The following SPIN3 variants were observed in gnomAD, a reference collection of about 807,000 sequenced individuals.
SPIN3 encodes the protein spindlin-3.
For synonymous variants in SPIN3, 74 were observed against 74.3 expected (o/e 1.00, Z 0.02); for missense variants, 176 against 196.4 (o/e 0.90, Z 0.62).
At chrX:56,979,047 A>C (rs1244733470) in intron 3 of SPIN3, 1 of 111,698 alleles carries the variant, frequency 9.0e-6, no homozygotes, top group African/African-American at 3.3e-5. Flanking sequence ...CAAATTCCTT[A>C]AACCTTCATT....
intron 2 of SPIN3, chrX:56,984,486 G>GA (rs1924182707): frequency 1.0e-5 from 3 of 299,980 alleles, no homozygotes; most frequent in Admixed American, 3.7e-5. Context: ...GAGCTGAAAA[G>GA]CAAAAAAAAA....
chrX:56,995,008 C>T, intron 1 of SPIN3, 59 bp from the exon 2 acceptor site: 1 of 1,072,672 alleles, frequency 9.3e-7, no homozygotes. Context: ...AAAATCAATG[C>T]ATAACACGGA....
exon 6 of SPIN3, chrX:56,976,734 T>C (rs1413665385): frequency 8.9e-6 from 1 of 112,018 alleles, no homozygotes; most frequent in Non-Finnish European, 1.9e-5. Context: ...AAGAAGACTT[T>C]ATCATCTTTT....
intron 3 of SPIN3, chrX:56,984,180 G>A (rs1924175600): frequency 6.5e-6 from 1 of 153,003 alleles, no homozygotes; most frequent in South Asian, 1.5e-4. Flanking sequence ...CGAAGACACT[G>A]TTTTTTGACA....
intron 5 of SPIN3, chrX:56,977,706 A>T (rs774282270): frequency 6.3e-4 from 71 of 112,155 alleles, no homozygotes; most frequent in African/African-American, 2.2e-3. Flanking sequence ...TTAACAGGTG[A>T]TTGGAACATG....
In SPIN3 at chrX:56,992,850, C is replaced by T. The variant is rs1417934319; in HGVS notation, c.*1321G>A. On this transcript the variant is annotated 3_prime_UTR_variant, in exon 2 of 2. Transcript: ENST00000374919. ...AGCTCAAAGGCCCTTCCATTGTTTA[C>T]TTTTCTGCCACAGTAGAACTCACCC... 1 of 208,015 alleles carries T rather than the reference C, an allele frequency of 4.8e-6. No homozygotes were observed. The highest frequency in any genetic ancestry group is 1.4e-3 in the Middle Eastern group (1 of 690). The allele number at this position is 208,015 out of a possible 1,213,427, so 17.1% of individuals were successfully genotyped here. A position where few individuals can be genotyped will look rare whatever the true frequency, so the allele number is the denominator to read the frequency against.
chrX:56,989,796 C>T (rs1156713381), downstream of SPIN3, among the ~76,000 whole-genome samples: 1 of 111,678 alleles, frequency 9.0e-6, no homozygotes, highest in Non-Finnish European at 1.9e-5. Context: ...TGTCTCCCAC[C>T]ACCCTCATTT....
In SPIN3 at chrX:56,992,225, G is replaced by A. The variant is rs760338658; in HGVS notation, c.*1946C>T. 1.4e-5 allele frequency: 4 copies of A among 295,520 alleles called. No homozygotes were observed. The highest frequency in any genetic ancestry group is 2.8e-5 in the African/African-American group (1 of 36,288). 24.4% of individuals were successfully genotyped at this position (295,520 alleles called of 1,213,427 possible). ...GGGTGAAGTTCCTTCAGGACCTCAG[G>A]AGTTGAATTAATCTAACCCCACAAT... On this transcript the variant is annotated 3_prime_UTR_variant, in exon 2 of 2. Transcript: ENST00000374919.
At position 56,994,879 on chromosome X, in the gene SPIN3, C is replaced by T; in HGVS notation, c.69G>A (p.Val23=). 1 of 1,211,530 alleles carries T rather than the reference C, an allele frequency of 8.3e-7. No homozygotes were observed. The highest frequency in any genetic ancestry group is 1.7e-5 in the African/African-American group (1 of 57,827). The change falls in exon 2 of 2, where the codon GTG becomes GTA. Residue 23 remains valine, a synonymous_variant. Coordinates refer to ENST00000374919, the MANE Select transcript of SPIN3 (RefSeq NM_001010862.3). ...CCTTCCTCTTTATCATGGTAACAGA[C>T]ACACTGCCGTGGCCAGCGCCCGTCC... The part of the protein sequence containing the change: ...RSRTGAGHGS[V]SVTMIKRKAA...
In SPIN3 at chrX:56,977,200, G is replaced by T. The variant is rs965710470; in HGVS notation, c.*412-4C>A. The T allele has an allele frequency of 5.4e-5, 6 of 110,826 alleles. No homozygotes were observed. In the Admixed American group the frequency reaches 5.8e-4, roughly 11 times the overall value. 9.1% of individuals were successfully genotyped at this position (110,826 alleles called of 1,213,427 possible). On this transcript the variant is annotated splice_region_variant and splice_polypyrimidine_tract_variant and intron_variant and NMD_transcript_variant, in intron 5 of 5. Transcript: ENST00000475785. ...AAGGACCTACCCAATATTTTACCTG[G>T]AAAGATAAGAAATAAATATTTGAAT... is the stretch of plus-strand genomic sequence containing the variant.
rs1259750731 is a variant in SPIN3, at chrX:56,993,499, C to G, written c.*672G>C. 1 of 112,361 alleles carries G rather than the reference C, an allele frequency of 8.9e-6. No homozygotes were observed. The highest frequency in any genetic ancestry group is 1.9e-5 in the Non-Finnish European group (1 of 53,303). 9.3% of individuals were successfully genotyped at this position (112,361 alleles called of 1,213,427 possible). A position where few individuals can be genotyped will look rare whatever the true frequency, so the allele number is the denominator to read the frequency against. ...CTTAAGCTCCACCAGAAATCTTGAT[C>G]TCTCCACTTGGAGTTTGGTCCCCAA... On this transcript the variant is annotated 3_prime_UTR_variant, in exon 2 of 2. Transcript: ENST00000374919.
chrX:56,977,167 G>C (rs1015435829), exon 6 of SPIN3: 4 of 111,214 alleles, frequency 3.6e-5, no homozygotes, highest in Non-Finnish European at 7.5e-5. Flanking sequence ...ACTGAGTCTA[G>C]AACTCCAAAG....
chrX:56,978,332 G>T (rs1231298582), exon 5 of SPIN3: 1 of 111,795 alleles, frequency 8.9e-6, no homozygotes, highest in East Asian at 2.8e-4. Context: ...TTCAGTATCT[G>T]GAGCTGGTGA....
Position 56,994,310 on chromosome X carries a change from T to C in SPIN3, c.638A>G (p.Gln213Arg). Residue 213 changes from glutamine to arginine, a missense_variant, in exon 2 of 2, where the codon CAG (glutamine) becomes CGG (arginine). Physicochemically the swap from Gln to Arg is conservative, Grantham distance 43 (BLOSUM62 1). Coordinates refer to ENST00000374919, the MANE Select transcript of SPIN3 (RefSeq NM_001010862.3). ...GCCATCGTCTTTGGCGTATTCCACC[T>C]GTTTGCCTACCAGGCTGTCTATGAC... ...GEVIDSLVGK[Q>R]VEYAKDDGSK... 1 of 1,212,183 alleles carries C rather than the reference T, an allele frequency of 8.2e-7. No homozygotes were observed.
At chrX:56,980,636 C>T (rs955609254) in intron 3 of SPIN3, among the ~76,000 whole-genome samples, 12 of 109,923 alleles carry the variant, frequency 1.1e-4, no homozygotes, top group Non-Finnish European at 2.3e-4. Flanking sequence ...GCAGTAGCAG[C>T]GTGGCTTGGG....
downstream of SPIN3, among the ~76,000 whole-genome samples, chrX:56,988,065 C>G (rs181345410): frequency 9.0e-6 from 1 of 111,640 alleles, no homozygotes; most frequent in Non-Finnish European, 1.9e-5. Flanking sequence ...GATTAAGTAA[C>G]TTGCTAGTAT....
In SPIN3 at chrX:56,994,056, C is replaced by A. The variant is rs1407945110; in HGVS notation, c.*115G>T. 2 of 842,190 alleles carry A rather than the reference C, an allele frequency of 2.4e-6. No individual in the cohort carries two copies. Among genetic ancestry groups the A allele is most frequent in the Non-Finnish European group, 1.6e-6 (1 of 626,468 alleles). 69.4% of individuals were successfully genotyped at this position (842,190 alleles called of 1,213,427 possible). The stretch of plus-strand genomic sequence containing the variant: ...GAGGGCAGAAGTTCCAATTTTTTTG[C>A]CAAGCAAAACGTGCAAAAAGGGAGA... On this transcript the variant is annotated 3_prime_UTR_variant, in exon 2 of 2. Transcript: ENST00000374919.
At chrX:56,983,183 C>T (rs1924154029) in intron 3 of SPIN3, among the ~76,000 whole-genome samples, 1 of 111,980 alleles carries the variant, frequency 8.9e-6, no homozygotes, top group Non-Finnish European at 1.9e-5. Context: ...TCAGACAATA[C>T]TGATATGTTA....
downstream of SPIN3, chrX:56,976,082 A>C (rs1924001631): frequency 8.9e-6 from 1 of 111,983 alleles, no homozygotes; most frequent in Admixed American, 9.5e-5. Flanking sequence ...GACAGTTTGT[A>C]TAAATTGGCA....
Sources: gnomAD v4.1 joint callset for allele counts (sites outside exome capture counted in the v4.1 genomes callset) on GRCh38, gnomAD v4.1.1 for gene constraint, MANE v1.5 for transcripts, NCBI Gene and HGNC (gene_info 2026-07-23, HGNC 2026-07-21) for gene names.